The following SERPINH1 variants were observed in gnomAD, a reference collection of about 807,000 sequenced individuals.
SERPINH1 encodes the protein serpin H1.
A neutral mutation model predicts 32.3 loss-of-function variants in SERPINH1; 22 were observed. The observed-to-expected ratio is 0.68, with a 90% CI of 0.49 to 0.97. The LOEUF (loss-of-function observed/expected upper bound fraction) is 0.97. SERPINH1 is among the 50% of genes least tolerant of loss of function. The pLI is 0.00. For synonymous variants in SERPINH1, 251 were observed against 245.9 expected (o/e 1.02, Z -0.19); for missense variants, 543 against 576.4 (o/e 0.94, Z 0.59).
Position 75,566,894 on chromosome 11 carries a change from ACGGCAAGC to A in SERPINH1, c.546_553del (p.Gly183AlafsTer27). 2 of 1,609,030 alleles carry A rather than the reference ACGGCAAGC, an allele frequency of 1.2e-6. No homozygotes were observed. The highest frequency in any genetic ancestry group is 1.7e-6 in the Non-Finnish European group (2 of 1,179,954). ...AACGAGTGGGCCGCGCAGACCACCG[ACGGCAAGC>A]TGCCCGAGGTCACCAAGGACGTGGA... is the stretch of plus-strand genomic sequence containing the variant. On this transcript the variant is annotated frameshift_variant, in exon 2 of 5. Transcript: ENST00000358171. LOFTEE classifies it high-confidence loss of function.
Position 75,571,764 on chromosome 11 carries a change from C to T in SERPINH1, c.955-17C>T, listed in dbSNP as rs1186173823. On this transcript the variant is annotated splice_polypyrimidine_tract_variant and intron_variant, in intron 4 of 4. Coordinates refer to ENST00000358171, the MANE Select transcript of SERPINH1 (RefSeq NM_001235.5). ...GGCAGCCATGGCCTCACCTGGCACA[C>T]CTCCTTGTTCCCACAGAAACACCTG... 1 of 1,612,216 alleles carries T rather than the reference C, an allele frequency of 6.2e-7. No homozygotes were observed. The highest frequency in any genetic ancestry group is 8.5e-7 in the Non-Finnish European group (1 of 1,179,834).
chr11:75,564,620 G>A (rs988301391), intron 1 of SERPINH1, among the ~76,000 whole-genome samples: 1 of 152,138 alleles, frequency 6.6e-6, no homozygotes, highest in Non-Finnish European at 1.5e-5. Flanking sequence ...GTTCTGGCAG[G>A]GAAGGAGCCA....
At chr11:75,569,464 C>G (rs978597515) in intron 4 of SERPINH1, 11 of 272,446 alleles carry the variant, frequency 4.0e-5, no homozygotes, top group African/African-American at 2.4e-4. Context: ...ACTCTGTTGC[C>G]CAGGCTGGAG....
intron 1 of SERPINH1, chr11:75,563,165 C>G (rs887224316): frequency 6.6e-6 from 1 of 152,264 alleles, no homozygotes; most frequent in Non-Finnish European, 1.5e-5. Context: ...TCCCTGCCCC[C>G]CAGCTTAGAG....
In SERPINH1 at chr11:75,567,011, C is replaced by T. The variant is rs773909381; in HGVS notation, c.622+40C>T. On this transcript the variant is annotated intron_variant, in intron 2 of 4. Coordinates refer to ENST00000358171, the MANE Select transcript of SERPINH1 (RefSeq NM_001235.5). Reference sequence around the variant, plus strand: ...CGTTCAGGGGTCCTCCTCCTCCTCCCAGGACCCCCTGCAAGAGTTAGGACG... The same window carrying T: ...CGTTCAGGGGTCCTCCTCCTCCTCCTAGGACCCCCTGCAAGAGTTAGGACG... 6.4e-6 allele frequency: 7 copies of T among 1,092,782 alleles called. No homozygotes were observed. In the South Asian group the frequency reaches 9.2e-5, roughly 14 times the overall value. 67.7% of individuals were successfully genotyped at this position (1,092,782 alleles called of 1,614,324 possible). A position where few individuals can be genotyped will look rare whatever the true frequency, so the allele number is the denominator to read the frequency against.
At position 75,566,571 on chromosome 11, in the gene SERPINH1, G is replaced by C. The variant is rs747053791; in HGVS notation, c.222G>C (p.Val74=). 1.2e-6 allele frequency: 2 copies of C among 1,610,144 alleles called. No homozygotes were observed. Among genetic ancestry groups the C allele is most frequent in the East Asian group, 4.5e-5 (2 of 44,822 alleles). ...ACATCCTGGTGTCACCCGTGGTGGTGGCCTCGTCGCTAGGGCTCGTGTCGC... is the reference window on the plus strand; with the variant it reads ...ACATCCTGGTGTCACCCGTGGTGGTCGCCTCGTCGCTAGGGCTCGTGTCGC... ...VENILVSPVV[V]ASSLGLVSLG... Residue 74 remains valine, a synonymous_variant, in exon 2 of 5, where the codon GTG becomes GTC. Transcript: ENST00000358171.
At chr11:75,564,853 TTTTTGGGATGGCAG>T (rs1241924058) in intron 1 of SERPINH1, among the ~76,000 whole-genome samples, 3 of 152,030 alleles carry the variant, frequency 2.0e-5, no homozygotes, top group Non-Finnish European at 4.4e-5. Context: ...CCTGTCCAGG[TTTTTGGGATGGCAG>T]CAGTAGAATC....
intron 2 of SERPINH1, chr11:75,568,449 T>A (rs1420956884): frequency 1.2e-4 from 61 of 493,062 alleles, no homozygotes; most frequent in South Asian, 1.1e-3. Context: ...GCCATAGAGG[T>A]GGCTGACCTG....
At chr11:75,562,421 T>C (rs1376578234) in intron 1 of SERPINH1, 102 bp downstream of exon 1, 2 of 151,936 alleles carry the variant, frequency 1.3e-5, no homozygotes, top group African/African-American at 2.4e-5. Context: ...CTGCGAAGCG[T>C]TGGGTGCCGA....
At chr11:75,567,168 G>GCTCC (rs1942106046) in intron 2 of SERPINH1, among the ~76,000 whole-genome samples, 197 bp downstream of exon 2, 2 of 152,334 alleles carry the variant, frequency 1.3e-5, no homozygotes, top group East Asian at 3.9e-4. Context: ...GTAAAGGAAT[G>GCTCC]GTTCAGGGAG....
chr11:75,565,703 AC>A (rs1184860360), intron 1 of SERPINH1, among the ~76,000 whole-genome samples: 1 of 152,110 alleles, frequency 6.6e-6, no homozygotes, highest in Non-Finnish European at 1.5e-5. Context: ...CCAACTGGTG[AC>A]TCATTAACAT....
At position 75,566,738 on chromosome 11, in the gene SERPINH1, T is replaced by G; in HGVS notation, c.389T>G (p.Leu130Arg). ...ACGGCGCGCAACGTGACCTGGAAGC[T>G]GGGCAGCCGACTGTACGGACCCAGC... is the stretch of plus-strand genomic sequence containing the variant. ...NSTARNVTWK[L>R]GSRLYGPSSV... The change falls in exon 2 of 5, where the codon CTG becomes CGG. Residue 130 changes from leucine (L) to arginine (R), a missense_variant. Leu to Arg is a moderately radical substitution (Grantham distance 102). Coordinates refer to ENST00000358171, the MANE Select transcript of SERPINH1 (RefSeq NM_001235.5). 3.7e-6 allele frequency: 6 copies of G among 1,613,044 alleles called. No homozygotes were observed. Among genetic ancestry groups the G allele is most frequent in the Non-Finnish European group, 5.1e-6 (6 of 1,179,872 alleles).
intron 1 of SERPINH1, chr11:75,563,586 G>A (rs1942017664): frequency 6.6e-6 from 1 of 152,548 alleles, no homozygotes; most frequent in Admixed American, 6.5e-5. Flanking sequence ...CCCTGGCCTT[G>A]TTTCTCCCAT....
intron 1 of SERPINH1, among the ~76,000 whole-genome samples, chr11:75,564,009 A>G (rs556927937): frequency 6.6e-6 from 1 of 152,248 alleles, no homozygotes; most frequent in South Asian, 2.1e-4. Flanking sequence ...GCCTTCCCCC[A>G]TTCCTGCTGC....
chr11:75,570,998 G>T (rs1050309057), intron 4 of SERPINH1, among the ~76,000 whole-genome samples: 2 of 152,164 alleles, frequency 1.3e-5, no homozygotes, highest in African/African-American at 4.8e-5. Flanking sequence ...GTGGCTGGAG[G>T]CTGCCACGTA....
intron 4 of SERPINH1, among the ~76,000 whole-genome samples, chr11:75,571,383 AGTTT>A (rs911846764): frequency 1.6e-4 from 25 of 152,010 alleles, no homozygotes; most frequent in African/African-American, 5.8e-4. Context: ...GCACTTGGGG[AGTTT>A]GTGAAAAGGA....
At chr11:75,563,843 C>G (rs546777647) in intron 1 of SERPINH1, 105 of 152,942 alleles carry the variant, frequency 6.9e-4, no homozygotes, top group African/African-American at 2.5e-3. Context: ...CCTTCCAGAC[C>G]CTGCTCAGTC....
rs376520307 is a variant in SERPINH1, at chr11:75,572,022, C to A, written c.1196C>A (p.Ser399Tyr). The stretch of plus-strand genomic sequence containing the variant: ...CTAGTGCGGGACACCCAAAGCGGCT[C>A]CCTGCTATTCATTGGGCGCCTGGTC... ...IFLVRDTQSG[S>Y]LLFIGRLVRP... The change falls in exon 5 of 5, where the codon TCC (serine) becomes TAC (tyrosine). Residue 399 changes from serine (S) to tyrosine (Y), a missense_variant. Physicochemically the swap from Ser to Tyr is moderately radical, Grantham distance 144 (BLOSUM62 -2). Around this residue, in one of 3 missense-constraint regions of SERPINH1, gnomAD observed 427 missense variants for 446.4 expected, o/e 0.96. Coordinates refer to ENST00000358171, the MANE Select transcript of SERPINH1 (RefSeq NM_001235.5). The A allele has an allele frequency of 2.5e-6, 4 of 1,614,180 alleles. No individual in the cohort carries two copies. Among genetic ancestry groups the A allele is most frequent in the Non-Finnish European group, 3.4e-6 (4 of 1,180,040 alleles).
intron 1 of SERPINH1, 81 bp from the exon 2 acceptor site, chr11:75,566,235 T>C: frequency 1.5e-6 from 2 of 1,294,834 alleles, no homozygotes; most frequent in East Asian, 2.5e-5. Flanking sequence ...AGGGGACTTG[T>C]GGCAGCCAGA....
Sources: allele counts gnomAD v4.1 joint callset (sites outside exome capture counted in the v4.1 genomes callset), GRCh38; gene constraint gnomAD v4.1.1; regional missense constraint gnomAD v4.1.1; transcripts MANE v1.5; gene names NCBI Gene and HGNC (gene_info 2026-07-23, HGNC 2026-07-21).